Variants in FCF1 observed in about 807,000 individuals in gnomAD.
FCF1 encodes the protein FCF1 rRNA-processing protein.
FCF1 carries 17 observed loss-of-function variants against 32.5 expected under a neutral mutation model. That is an observed-to-expected ratio of 0.52 (90% CI 0.36 to 0.78). The LOEUF (loss-of-function observed/expected upper bound fraction) is 0.78. FCF1 is among the 30% of genes least tolerant of loss of function. The pLI is 0.00. For synonymous variants in FCF1, 84 were observed against 78.4 expected, an observed-to-expected ratio of 1.07 and a Z score of -0.38; for missense variants, 201 against 241.1, an observed-to-expected ratio of 0.83 and a Z score of 1.10.
chr14:74,723,386 T>C (rs1246102915), intron 5 of FCF1, 42 bp downstream of exon 5: 1 of 1,331,766 alleles, frequency 7.5e-7, no homozygotes, highest in East Asian at 2.4e-5. Context: ...ATTGGTATAC[T>C]GAAGATTCAT....
At position 74,734,947 on chromosome 14, in the gene FCF1, T is replaced by C. The variant is rs2090687538; in HGVS notation, c.*17T>C. On this transcript the variant is annotated 3_prime_UTR_variant, in exon 8 of 8. Coordinates refer to ENST00000341162, the MANE Select transcript of FCF1 (RefSeq NM_015962.5). ...CGATTCTAATTCTTACAAGACACAG[T>C]TCCTCTGCCTTTCTTCGACCAACTT... 1 of 1,607,916 alleles carries C rather than the reference T, an allele frequency of 6.2e-7. No homozygotes were observed. The highest frequency in any genetic ancestry group is 1.7e-5 in the Admixed American group (1 of 59,916).
At chr14:74,719,152 A>G (rs2090463538) in intron 4 of FCF1, among the ~76,000 whole-genome samples, 1 of 149,612 alleles carries the variant, frequency 6.7e-6, no homozygotes, top group Non-Finnish European at 1.5e-5. Flanking sequence ...AAAAAAAAAA[A>G]GCATGCATCG....
chr14:74,714,850 TA>T, intron 2 of FCF1, 21 bp from the exon 3 acceptor site: 2 of 1,546,668 alleles, frequency 1.3e-6, no homozygotes, highest in Non-Finnish European at 8.7e-7. Context: ...CCCTTGGATT[TA>T]ATTTACCTTT....
chr14:74,725,705 C>T (rs866742463), intron 5 of FCF1, among the ~76,000 whole-genome samples: 53 of 151,698 alleles, frequency 3.5e-4, no homozygotes, highest in Middle Eastern at 3.4e-3. Flanking sequence ...GAGGCCGAGG[C>T]GGGTGGATCA....
Position 74,735,160 on chromosome 14 carries a change from G to A in FCF1, c.*230G>A. 5.5e-5 allele frequency: 20 copies of A among 363,120 alleles called. No homozygotes were observed. The highest frequency in any genetic ancestry group is 1.3e-4 in the South Asian group (4 of 30,496). 22.5% of individuals were successfully genotyped at this position (363,120 alleles called of 1,614,324 possible). A position where few individuals can be genotyped will look rare whatever the true frequency, so the allele number is the denominator to read the frequency against. ...TTTGTGGGGCCGCGGGGGTTGGGGG[G>A]AATCTGTGCAGGGGGAAGCATATTA... On this transcript the variant is annotated 3_prime_UTR_variant, in exon 8 of 8. Coordinates refer to ENST00000341162, the MANE Select transcript of FCF1 (RefSeq NM_015962.5).
chr14:74,725,674 C>A (rs181160441), intron 5 of FCF1, among the ~76,000 whole-genome samples: 67 of 152,014 alleles, frequency 4.4e-4, no homozygotes, highest in African/African-American at 1.4e-3. Context: ...GTGGCTCACG[C>A]CTGTAATCCC....
At chr14:74,718,517 G>A (rs191876254) in intron 4 of FCF1, among the ~76,000 whole-genome samples, 2 of 151,680 alleles carry the variant, frequency 1.3e-5, no homozygotes, top group East Asian at 3.9e-4. Context: ...TCTGTGGCCC[G>A]GGCTGGAGTA....
At chr14:74,713,262 A>G in intron 1 of FCF1, 62 bp downstream of exon 1, 1 of 1,614,186 alleles carries the variant, frequency 6.2e-7, no homozygotes, top group Non-Finnish European at 8.5e-7. Flanking sequence ...AGAAGGAGGT[A>G]GTCAGACCGT....
chr14:74,726,763 C>G (rs1164216281), intron 5 of FCF1, among the ~76,000 whole-genome samples: 1 of 151,920 alleles, frequency 6.6e-6, no homozygotes, highest in Non-Finnish European at 1.5e-5. Context: ...CTCCTCCCCC[C>G]ACCCCACAAC....
chr14:74,725,563 A>T (rs1390211582), intron 5 of FCF1, among the ~76,000 whole-genome samples: 1 of 142,580 alleles, frequency 7.0e-6, no homozygotes, highest in Admixed American at 7.3e-5. Context: ...CCAAGTGGGG[A>T]GGATCGCTGG....
intron 2 of FCF1, among the ~76,000 whole-genome samples, chr14:74,714,143 G>T (rs1484942555): frequency 6.6e-6 from 1 of 152,208 alleles, no homozygotes; most frequent in Non-Finnish European, 1.5e-5. Context: ...AATAAAGACT[G>T]ATCTTCACTG....
chr14:74,713,812 A>G (rs1237984634), intron 2 of FCF1, among the ~76,000 whole-genome samples: 5 of 152,142 alleles, frequency 3.3e-5, no homozygotes, highest in African/African-American at 7.2e-5. Flanking sequence ...TTTAAACCTC[A>G]TGTCAGTTCG....
intron 5 of FCF1, among the ~76,000 whole-genome samples, chr14:74,730,787 G>T (rs1008681570): frequency 6.6e-6 from 1 of 152,150 alleles, no homozygotes; most frequent in African/African-American, 2.4e-5. Context: ...ATCATCTGAG[G>T]TCGGGAGTTC....
At chr14:74,725,780 A>G (rs2140031969) in intron 5 of FCF1, among the ~76,000 whole-genome samples, 1 of 151,908 alleles carries the variant, frequency 6.6e-6, no homozygotes, top group East Asian at 2.0e-4. Context: ...TAAAAATACA[A>G]AAAAATTAGC....
chr14:74,733,403 CA>C (rs2090662731), intron 6 of FCF1, among the ~76,000 whole-genome samples: 1 of 146,812 alleles, frequency 6.8e-6, no homozygotes, highest in African/African-American at 2.5e-5. Flanking sequence ...TCCTTTTAGC[CA>C]CTTCACCCCA....
chr14:74,728,679 C>G (rs1394799915), intron 5 of FCF1, among the ~76,000 whole-genome samples: 3 of 152,068 alleles, frequency 2.0e-5, no homozygotes, highest in Admixed American at 1.3e-4. Context: ...TGTCTTGTGC[C>G]AGTTTTCAAA....
Position 74,736,639 on chromosome 14 carries a change from C to G in FCF1, c.*1709C>G, listed in dbSNP as rs1401316747. Reference sequence around the variant, plus strand: ...ATTGTATCCACAATTTATGATATCACTTTGTAACCCATACATTTATACAAT... The same window carrying G: ...ATTGTATCCACAATTTATGATATCAGTTTGTAACCCATACATTTATACAAT... On this transcript the variant is annotated 3_prime_UTR_variant, in exon 8 of 8. Transcript: ENST00000341162. 6.6e-6 allele frequency: 1 copy of G among 152,146 alleles called. No individual in the cohort carries two copies. The highest frequency in any genetic ancestry group is 2.4e-5 in the African/African-American group (1 of 41,422). 9.4% of individuals were successfully genotyped at this position (152,146 alleles called of 1,614,324 possible).
chr14:74,716,726 A>G (rs371108503), intron 4 of FCF1, among the ~76,000 whole-genome samples: 4 of 152,234 alleles, frequency 2.6e-5, no homozygotes, highest in African/African-American at 4.8e-5. Flanking sequence ...TATGAAGCCT[A>G]TCATAGTAAG....
intron 5 of FCF1, among the ~76,000 whole-genome samples, chr14:74,724,388 GTCC>G (rs1313950399): frequency 6.6e-6 from 1 of 152,144 alleles, no homozygotes; most frequent in African/African-American, 2.4e-5. Flanking sequence ...GGCTTAAGCA[GTCC>G]TCCTGCCTCA....
Sources: allele counts gnomAD v4.1 joint callset (sites outside exome capture counted in the v4.1 genomes callset), GRCh38; gene constraint gnomAD v4.1.1; transcripts MANE v1.5; gene names NCBI Gene and HGNC (gene_info 2026-07-23, HGNC 2026-07-21).